Variants in NTRK3 observed in about 807,000 individuals in gnomAD.
The protein encoded by NTRK3 is NT-3 growth factor receptor.
A neutral mutation model predicts 91.7 loss-of-function variants in NTRK3; 24 were observed. The ratio of observed to expected loss-of-function variants is 0.26; its 90% CI spans 0.19 to 0.37. The LOEUF is 0.37. Among genes scored for constraint, NTRK3 ranks in the 10% least tolerant of loss-of-function variants. The pLI is 1.00. For missense variants in NTRK3, 880 were observed against 1,068.9 expected (o/e 0.82, Z 2.46); for synonymous variants, 483 against 404.0 (o/e 1.20, Z -2.34).
intron 6 of NTRK3, among the ~76,000 whole-genome samples, chr15:88,139,151 G>A (rs1312131814): frequency 1.3e-5 from 2 of 152,210 alleles, no homozygotes; most frequent in East Asian, 3.8e-4. Context: ...ATGTTTGATA[G>A]GGGAAGAGTC....
At chr15:87,957,683 GTGACAGACTT>G (rs1171902638) in intron 14 of NTRK3, among the ~76,000 whole-genome samples, 6 of 152,222 alleles carry the variant, frequency 3.9e-5, no homozygotes, top group African/African-American at 1.4e-4. Flanking sequence ...GTAAGGTGGG[GTGACAGACTT>G]CACAGAAGTG....
In NTRK3 at chr15:87,994,217, A is replaced by C. The variant is rs189973955; in HGVS notation, c.1585+38640T>G. Among the ~76,000 whole-genome samples, 4 of 152,296 alleles carry C rather than the reference A, an allele frequency of 2.6e-5. No homozygotes were observed. In the East Asian group the frequency reaches 7.7e-4, roughly 30 times the overall value. On this transcript the variant is annotated intron_variant, in intron 14 of 18. Transcript: ENST00000394480. ...ATGTGGCGGGAGCAACAGACAAAGC[A>C]TAGCAAATAGGGAACTGTTAGGGAT...
chr15:87,954,982 C>T (rs1032495938), intron 14 of NTRK3, among the ~76,000 whole-genome samples: 1 of 152,138 alleles, frequency 6.6e-6, no homozygotes, highest in Non-Finnish European at 1.5e-5. Context: ...CTGGGCATTC[C>T]CAGCTCTGCT....
Position 88,240,803 on chromosome 15 carries a change from G to C in NTRK3, c.248+15103C>G, listed in dbSNP as rs150337321. 6.6e-6 allele frequency among the ~76,000 whole-genome samples: 1 copy of C among 152,368 alleles called. No individual in the cohort carries two copies. The highest frequency in any genetic ancestry group is 1.9e-4 in the East Asian group (1 of 5,188). On this transcript the variant is annotated intron_variant, in intron 3 of 18. Transcript: ENST00000394480. The surrounding 1 kb of genome is among the most constrained non-coding windows in gnomAD (Gnocchi z 4.9). ...CCAGAGCAGTCATCACACAGCATTTGCTGTCACTGTGATGAGCTCAGTTTT... is the reference window on the plus strand; with the variant it reads ...CCAGAGCAGTCATCACACAGCATTTCCTGTCACTGTGATGAGCTCAGTTTT...
intron 14 of NTRK3, chr15:87,979,471 AAAC>A: frequency 2.5e-6 from 4 of 1,586,072 alleles, no homozygotes; most frequent in Non-Finnish European, 3.5e-6. Flanking sequence ...AACCTATAAA[AAAC>A]AAAAAGAAAA....
At chr15:88,228,272 C>T (rs759997262) in intron 3 of NTRK3, among the ~76,000 whole-genome samples, 1 of 152,162 alleles carries the variant, frequency 6.6e-6, no homozygotes, top group Non-Finnish European at 1.5e-5. Flanking sequence ...CCATTTCTCT[C>T]TCCCACCCCC....
exon 19 of NTRK3, chr15:87,868,016 T>C (rs1417387491): frequency 8.7e-6 from 2 of 230,510 alleles, no homozygotes; most frequent in East Asian, 1.2e-4. Flanking sequence ...GTGTCGATAA[T>C]AAGAGGAAAG....
chr15:87,874,585 C>T (rs949110941), exon 19 of NTRK3: 2 of 232,918 alleles, frequency 8.6e-6, no homozygotes, highest in African/African-American at 4.4e-5. Flanking sequence ...AACACACAGC[C>T]AAGAAGACAG....
chr15:87,890,653 T>A (rs1356380341), intron 17 of NTRK3, among the ~76,000 whole-genome samples: 4 of 152,150 alleles, frequency 2.6e-5, no homozygotes, highest in African/African-American at 9.7e-5. Context: ...TTATTTCTGA[T>A]GCCTGGTGTT....
intron 13 of NTRK3, among the ~76,000 whole-genome samples, chr15:88,083,898 C>T (rs2048275875): frequency 6.6e-6 from 1 of 152,078 alleles, no homozygotes; most frequent in Non-Finnish European, 1.5e-5. Flanking sequence ...TAAGGCTTCT[C>T]CAGCAATCCC....
intron 5 of NTRK3, among the ~76,000 whole-genome samples, chr15:88,169,935 G>A (rs1764906980): frequency 6.6e-6 from 1 of 152,114 alleles, no homozygotes; most frequent in African/African-American, 2.4e-5. Flanking sequence ...TGTGCTAAAT[G>A]CTCCCAGGGA....
chr15:88,033,121 C>T (rs901276949), intron 13 of NTRK3, 76 bp from the exon 14 acceptor site: 5 of 1,357,202 alleles, frequency 3.7e-6, no homozygotes, highest in Non-Finnish European at 4.0e-6. Flanking sequence ...ACAGACAACC[C>T]CCAACTACTG....
Position 87,929,152 on chromosome 15 carries a change from C to T in NTRK3, c.2133+39G>A, listed in dbSNP as rs770964142. 1.2e-5 allele frequency: 20 copies of T among 1,614,064 alleles called. No individual in the cohort carries two copies. In the South Asian group the frequency reaches 2.0e-4, roughly 16 times the overall value. On this transcript the variant is annotated intron_variant, in intron 17 of 18. Transcript: ENST00000394480. ...AAAAGACATGTAAGCAAGGCGCTAG[C>T]TCTGTGGCTGAGTCCTGCAGCTGGG...
intron 5 of NTRK3, among the ~76,000 whole-genome samples, chr15:88,167,441 C>A (rs556669865): frequency 6.6e-6 from 1 of 152,132 alleles, no homozygotes; most frequent in Non-Finnish European, 1.5e-5. Context: ...ACCTGGGTCC[C>A]GGCTCCTACT....
At position 87,980,530 on chromosome 15, in the gene NTRK3, CAT is replaced by C. The variant is rs565192831; in HGVS notation, c.1586-39779_1586-39778del. Among the ~76,000 whole-genome samples the C allele has an allele frequency of 1.2e-3, 190 of 152,140 alleles. 7 individuals are homozygous for C. In the South Asian group the frequency reaches 0.037, roughly 29 times the overall value. On this transcript the variant is annotated intron_variant, in intron 14 of 18. Transcript: ENST00000394480. Reference sequence around the variant, plus strand: ...ATGTGCGAATATATGTGTGTGTACACATATGTGTGTGTTTGAATGTGTATGTG... The same window carrying C: ...ATGTGCGAATATATGTGTGTGTACACATGTGTGTGTTTGAATGTGTATGTG...
chr15:88,233,796 C>CT lies in NTRK3; in HGVS notation c.248+22109_248+22110insA, dbSNP rs982091216. On this transcript the variant is annotated intron_variant, in intron 3 of 18. Coordinates refer to ENST00000394480, the Ensembl canonical transcript of NTRK3. The surrounding 1 kb of genome is among the most constrained non-coding windows in gnomAD (Gnocchi z 4.2). ...TCCTCCCCTGACATCCAGTGCTCCC[C>CT]CTCCCTGCCTTGTCCAAGAGAATCT... Among the ~76,000 whole-genome samples, 15 of 152,082 alleles carry CT rather than the reference C, an allele frequency of 9.9e-5. No individual in the cohort carries two copies. Among genetic ancestry groups the CT allele is most frequent in the African/African-American group, 3.4e-4 (14 of 41,458 alleles).
chr15:88,026,661 G>A (rs1279084111), intron 14 of NTRK3, among the ~76,000 whole-genome samples: 3 of 152,150 alleles, frequency 2.0e-5, no homozygotes. Flanking sequence ...ATCAATAGTG[G>A]TTCACCAATT....
chr15:88,178,777 G>A (rs904075878), intron 5 of NTRK3, among the ~76,000 whole-genome samples: 1 of 152,194 alleles, frequency 6.6e-6, no homozygotes, highest in Non-Finnish European at 1.5e-5. Flanking sequence ...TATAGGATTT[G>A]ACCTGAATAG....
intron 14 of NTRK3, among the ~76,000 whole-genome samples, chr15:87,962,800 C>T (rs2072425236): frequency 6.6e-6 from 1 of 152,168 alleles, no homozygotes; most frequent in Non-Finnish European, 1.5e-5. Context: ...ACCTCCCAAC[C>T]CTCACTCTGA....
Sources: gnomAD v4.1 joint callset for allele counts (sites outside exome capture counted in the v4.1 genomes callset) on GRCh38, gnomAD v4.1.1 for gene constraint, Gnocchi (gnomAD v3.1) non-coding constraint, MANE v1.5 for transcripts, NCBI Gene and HGNC (gene_info 2026-07-23, HGNC 2026-07-21) for gene names.